IFIH1: variants seen among roughly 807,000 people sequenced by gnomAD.
IFIH1 encodes the protein interferon-induced helicase C domain-containing protein 1.
A neutral mutation model predicts 107.4 loss-of-function variants in IFIH1; 125 were observed. The observed-to-expected ratio is 1.16, with a 90% CI of 1.01 to 1.35. The LOEUF is 1.35. IFIH1 is among the 40% of genes most tolerant of loss of function. The pLI, the probability that IFIH1 is intolerant of heterozygous loss-of-function variation, is 0.00. For missense variants in IFIH1, 1,333 were observed against 1,213.7 expected, an observed-to-expected ratio of 1.10 and a Z score of -1.46; for synonymous variants, 458 against 413.2, an observed-to-expected ratio of 1.11 and a Z score of -1.31.
rs1317369580 is a variant in IFIH1, at chr2:162,314,478, TTCTTTC to T, written c.453+3371_453+3376del. 7.8e-3 allele frequency among the ~76,000 whole-genome samples: 1,059 copies of T among 135,548 alleles called. 185 individuals are homozygous for T. The highest frequency in any genetic ancestry group is 0.034 in the African/African-American group (1,013 of 29,480). The allele number at this position is 135,548 out of a possible 152,430, so 88.9% of individuals were successfully genotyped here. A position where few individuals can be genotyped will look rare whatever the true frequency, so the allele number is the denominator to read the frequency against. ...TTTCTTTCTTTCTTTCTTTCTTTCTTTCTTTCTTTTTCTTTCTCTCTTTCTTATTAG... is the reference window on the plus strand; with the variant it reads ...TTTCTTTCTTTCTTTCTTTCTTTCTTTTTTTCTTTCTCTCTTTCTTATTAG... On this transcript the variant is annotated intron_variant, in intron 1 of 15. Transcript: ENST00000649979.
intron 8 of IFIH1, among the ~76,000 whole-genome samples, chr2:162,279,253 G>A (rs540739760): frequency 6.8e-4 from 103 of 152,114 alleles, no homozygotes; most frequent in African/African-American, 2.3e-3. Flanking sequence ...GAGATATACG[G>A]AGGCTAGTTA....
rs776562127 is a variant in IFIH1 at position 162,288,266 on chromosome 2, C to T, written c.964G>A (p.Gly322Arg). The T allele has an allele frequency of 6.2e-7, 1 of 1,612,860 alleles. No homozygotes were observed. The highest frequency in any genetic ancestry group is 8.5e-7 in the Non-Finnish European group (1 of 1,179,264). The change falls in exon 5 of 16, where the codon GGG (glycine) becomes AGG (arginine). Residue 322 changes from glycine to arginine, a missense_variant. By Grantham distance (125) the Gly-to-Arg change is moderately radical. Transcript: ENST00000649979. ...QMEVAQPALE[G>R]KNIIICLPTG... ...GGGAGGCAGATGATGATATTCTTCC[C>T]TTCCAAGGCTGGCTGGGCAACTTCC...
intron 2 of IFIH1, among the ~76,000 whole-genome samples, chr2:162,308,583 G>A (rs891653166): frequency 2.6e-5 from 4 of 152,006 alleles, no homozygotes; most frequent in Non-Finnish European, 4.4e-5. Flanking sequence ...TCGCCATGTT[G>A]GCCAGGCTGG....
At chr2:162,290,016 T>C (rs927488766) in intron 4 of IFIH1, among the ~76,000 whole-genome samples, 9 of 151,900 alleles carry the variant, frequency 5.9e-5, no homozygotes, top group African/African-American at 2.2e-4. Flanking sequence ...ATTAGGATAG[T>C]TTGTCATCTA....
At chr2:162,272,914 T>C (rs1391672788) in intron 12 of IFIH1, among the ~76,000 whole-genome samples, 1 of 152,202 alleles carries the variant, frequency 6.6e-6, no homozygotes, top group Non-Finnish European at 1.5e-5. Context: ...GATATTCAGG[T>C]ATATTTTGAT....
At position 162,277,647 on chromosome 2, in the gene IFIH1, C is replaced by G. The variant is rs118172671; in HGVS notation, c.1812G>C (p.Leu604Phe). 2 of 1,612,914 alleles carry G rather than the reference C, an allele frequency of 1.2e-6. No individual in the cohort carries two copies. Among genetic ancestry groups the G allele is most frequent in the South Asian group, 1.1e-5 (1 of 90,938 alleles). Residue 604 changes from leucine (L) to phenylalanine (F), a missense_variant, in exon 10 of 16, where the codon TTG becomes TTC. Leu to Phe is a conservative substitution (Grantham distance 22). Transcript: ENST00000649979. ...TTTGTAGGGCCTCATTGTACTTCCT[C>G]AAATGTTCTGCACAAACACGTTCTT... ...NRKERVCAEH[L>F]RKYNEALQIN...
intron 1 of IFIH1, among the ~76,000 whole-genome samples, chr2:162,314,591 C>T (rs539658676): frequency 1.5e-4 from 22 of 151,656 alleles, no homozygotes; most frequent in African/African-American, 5.3e-4. Flanking sequence ...AGGTTCATGC[C>T]ATTCTCCTGC....
chr2:162,276,924 C>A lies in IFIH1; in HGVS notation c.2067G>T (p.Arg689Ser), dbSNP rs376420466. Residue 689 changes from arginine to serine, a missense_variant, in exon 11 of 16, where the codon AGG becomes AGT. Coordinates refer to ENST00000649979, the MANE Select transcript of IFIH1 (RefSeq NM_022168.4). ...LFFENNKMLK[R>S]LAENPEYENE... The stretch of plus-strand genomic sequence containing the variant: ...TTTCATATTCTGGGTTTTCAGCCAG[C>A]CTTTTCAACATTTTATTGTTTTCTT... 221 of 1,603,042 alleles carry A rather than the reference C, an allele frequency of 1.4e-4. No homozygotes were observed. The highest frequency in any genetic ancestry group is 1.7e-4 in the Non-Finnish European group (203 of 1,176,684).
intron 10 of IFIH1, 59 bp downstream of exon 10, chr2:162,277,356 G>A (rs1277847264): frequency 8.3e-7 from 1 of 1,198,062 alleles, no homozygotes; most frequent in South Asian, 1.4e-5. Flanking sequence ...ATGAGAAGCA[G>A]TAAGTTCATG....
Position 162,314,400 on chromosome 2 carries a change from T to TCCC in IFIH1, c.453+3454_453+3455insGGG, listed in dbSNP as rs1558877385. 3.0e-4 allele frequency among the ~76,000 whole-genome samples: 19 copies of TCCC among 62,454 alleles called. 1 individual carries two copies. The highest frequency in any genetic ancestry group is 2.2e-3 in the African/African-American group (18 of 8,174). 41.0% of individuals were successfully genotyped at this position (62,454 alleles called of 152,430 possible). On this transcript the variant is annotated intron_variant, in intron 1 of 15. Transcript: ENST00000649979. ...CCTCCCTCCCTCCCTCCCTCCCTCC[T>TCCC]TTCTTTCTTTCTTTCTTTTCTTTCT...
At position 162,318,075 on chromosome 2, in the gene IFIH1, T is replaced by C. The variant is rs1270782256; in HGVS notation, c.233A>G (p.Glu78Gly). 6.2e-7 allele frequency: 1 copy of C among 1,613,950 alleles called. No individual in the cohort carries two copies. The highest frequency in any genetic ancestry group is 8.5e-7 in the Non-Finnish European group (1 of 1,180,028). Residue 78 changes from glutamate to glycine, a missense_variant, in exon 1 of 16, where the codon GAA becomes GGA. Physicochemically the swap from Glu to Gly is moderately conservative, Grantham distance 98. Transcript: ENST00000649979. ...GGTTCTCCGGAGGGCCTCCACGAAT[T>C]CCCGAGTCCAACCAAGGTGCCAGAC... ...KGVWHLGWTR[E>G]FVEALRRTGS...
intron 1 of IFIH1, among the ~76,000 whole-genome samples, chr2:162,313,661 T>C (rs1310258651): frequency 6.6e-6 from 1 of 152,210 alleles, no homozygotes; most frequent in Non-Finnish European, 1.5e-5. Context: ...TGGTGATTTT[T>C]TTAACCCAGC....
At chr2:162,301,118 G>A (rs1039852261) in intron 3 of IFIH1, among the ~76,000 whole-genome samples, 1 of 152,064 alleles carries the variant, frequency 6.6e-6, no homozygotes, top group Non-Finnish European at 1.5e-5. Flanking sequence ...TAATGTCACC[G>A]GATAAACCTA....
intron 3 of IFIH1, among the ~76,000 whole-genome samples, chr2:162,294,286 T>G (rs1405928435): frequency 6.6e-6 from 1 of 151,990 alleles, no homozygotes; most frequent in Non-Finnish European, 1.5e-5. Flanking sequence ...CAAAGAGTTA[T>G]GGTTAATATG....
intron 3 of IFIH1, among the ~76,000 whole-genome samples, chr2:162,300,361 A>G (rs754441037): frequency 3.6e-4 from 55 of 152,298 alleles, no homozygotes; most frequent in Admixed American, 1.6e-3. Context: ...TCATAAACAG[A>G]TATCATGAAA....
At chr2:162,292,483 T>C (rs1266002598) in intron 4 of IFIH1, among the ~76,000 whole-genome samples, 1 of 151,746 alleles carries the variant, frequency 6.6e-6, no homozygotes, top group African/African-American at 2.4e-5. Context: ...AAAGGATATA[T>C]GAAAAAAGAG....
Position 162,314,416 on chromosome 2 carries a change from T to TTTTCTTTCTTTCTTTC in IFIH1, c.453+3423_453+3438dup, listed in dbSNP as rs760939547. Among the ~76,000 whole-genome samples, 152 of 51,442 alleles carry TTTTCTTTCTTTCTTTC rather than the reference T, an allele frequency of 3.0e-3. 2 individuals are homozygous for TTTTCTTTCTTTCTTTC. The highest frequency in any genetic ancestry group is 4.0e-3 in the South Asian group (5 of 1,236). The allele number at this position is 51,442 out of a possible 152,430, so 33.7% of individuals were successfully genotyped here. ...CCTCCCTCCTTTCTTTCTTTCTTTC[T>TTTTCTTTCTTTCTTTC]TTTCTTTCTTTCTTTCTTTCTTTCT... On this transcript the variant is annotated intron_variant, in intron 1 of 15. Coordinates refer to ENST00000649979, the MANE Select transcript of IFIH1 (RefSeq NM_022168.4).
At chr2:162,295,661 A>C (rs1011502432) in intron 3 of IFIH1, among the ~76,000 whole-genome samples, 2 of 151,922 alleles carry the variant, frequency 1.3e-5, no homozygotes, top group African/African-American at 4.8e-5. Context: ...TAGTTCTAAA[A>C]CTCAGATTTG....
At chr2:162,267,421 A>C in intron 15 of IFIH1, 42 bp from the exon 16 acceptor site, 1 of 1,612,616 alleles carries the variant, frequency 6.2e-7, no homozygotes, top group Non-Finnish European at 8.5e-7. Flanking sequence ...TTAAATGTAC[A>C]TGCAATTAAA....
Sources: gnomAD v4.1 joint callset for allele counts (sites outside exome capture counted in the v4.1 genomes callset) on GRCh38, gnomAD v4.1.1 for gene constraint, MANE v1.5 for transcripts, NCBI Gene and HGNC (gene_info 2026-07-23, HGNC 2026-07-21) for gene names.